The following SS18 variants were observed in gnomAD, a reference collection of about 807,000 sequenced individuals.
SS18 encodes protein SSXT.
In SS18, 28 loss-of-function variants were observed where a neutral mutation model predicts 72.5. The observed-to-expected ratio is 0.39, with a 90% CI of 0.29 to 0.53. SS18 has a LOEUF of 0.53. Ranked by LOEUF, SS18 falls within the 20% of genes least tolerant of loss-of-function variation. SS18 has a pLI of 0.76. For missense variants in SS18, 518 were observed against 535.3 expected, an observed-to-expected ratio of 0.97 and a Z score of 0.32; for synonymous variants, 172 against 164.2, an observed-to-expected ratio of 1.05 and a Z score of -0.37.
At chr18:26,088,098 G>T (rs1443229334) in intron 1 of SS18, among the ~76,000 whole-genome samples, 2 of 152,120 alleles carry the variant, frequency 1.3e-5, no homozygotes, top group Non-Finnish European at 2.9e-5. Context: ...CCTTTGGAAT[G>T]ATATCGTGTT....
At position 26,048,351 on chromosome 18, in the gene SS18, A is replaced by C. The variant is rs528276817; in HGVS notation, c.607+4273T>G. ...TTGTAAAAGACTAGACACATCTATC[A>C]AAAGTGAAAATGGCTTTGTTGTATT... On this transcript the variant is annotated intron_variant, in intron 5 of 10. Coordinates refer to ENST00000415083, the MANE Select transcript of SS18 (RefSeq NM_001007559.3). 1.1e-4 allele frequency among the ~76,000 whole-genome samples: 16 copies of C among 152,354 alleles called. No homozygotes were observed. The South Asian group carries it at 2.7e-3, about 26-fold the overall frequency.
At position 26,039,186 on chromosome 18, in the gene SS18, A is replaced by G. The variant is rs533941768; in HGVS notation, c.775+103T>C. 2.1e-4 allele frequency: 190 copies of G among 906,708 alleles called. 2 individuals are homozygous for G. In the Admixed American group the frequency reaches 5.5e-3, roughly 26 times the overall value. 56.2% of individuals were successfully genotyped at this position (906,708 alleles called of 1,614,324 possible). A position where few individuals can be genotyped will look rare whatever the true frequency, so the allele number is the denominator to read the frequency against. ...CTTTTGTCAAAAAAAAAAAAAAAAAAAAAAAAAAAGAAAACGCCCTGACTT... is the reference window on the plus strand; with the variant it reads ...CTTTTGTCAAAAAAAAAAAAAAAAAGAAAAAAAAAGAAAACGCCCTGACTT... On this transcript the variant is annotated intron_variant, in intron 6 of 10. Coordinates refer to ENST00000415083, the MANE Select transcript of SS18 (RefSeq NM_001007559.3).
At position 26,038,591 on chromosome 18, in the gene SS18, G is replaced by T; in HGVS notation, c.844C>A (p.Pro282Thr). The T allele has an allele frequency of 6.2e-7, 1 of 1,613,500 alleles. No individual in the cohort carries two copies. Among genetic ancestry groups the T allele is most frequent in the South Asian group, 1.1e-5 (1 of 91,060 alleles). The change falls in exon 7 of 11, where the codon CCT (proline) becomes ACT (threonine). Residue 282 changes from proline (P) to threonine (T), a missense_variant. Coordinates refer to ENST00000415083, the MANE Select transcript of SS18 (RefSeq NM_001007559.3). ...GDQYSHGGQG[P>T]PEGMNQQYYP... is the part of the protein sequence containing the mutation. ...TATTGCTGGTTCATGCCTTCTGGAGGACCTTGTCCACCATGACTGTATTGG... is the reference window on the plus strand; with the variant it reads ...TATTGCTGGTTCATGCCTTCTGGAGTACCTTGTCCACCATGACTGTATTGG...
At chr18:26,054,159 G>C (rs759817390) in intron 4 of SS18, among the ~76,000 whole-genome samples, 2 of 151,996 alleles carry the variant, frequency 1.3e-5, no homozygotes, top group African/African-American at 4.8e-5. Context: ...GTGTTGTTTA[G>C]GGAATAATGA....
At chr18:26,055,481 T>C (rs550588993) in intron 4 of SS18, among the ~76,000 whole-genome samples, 27 of 151,702 alleles carry the variant, frequency 1.8e-4, no homozygotes, top group African/African-American at 5.6e-4. Context: ...AAGAAAAAAA[T>C]AGTAATTTTT....
intron 6 of SS18, 81 bp downstream of exon 6, chr18:26,039,204 CCTGA>C (rs1035522285): frequency 1.3e-5 from 14 of 1,040,286 alleles, no homozygotes; most frequent in Admixed American, 1.3e-4. Context: ...AAGAAAACGC[CCTGA>C]CTTTGTCTAG....
chr18:26,064,406 G>A (rs941684212), intron 3 of SS18, among the ~76,000 whole-genome samples: 2 of 152,078 alleles, frequency 1.3e-5, no homozygotes, highest in African/African-American at 4.8e-5. Flanking sequence ...ATCAAATCCA[G>A]ACTTATTAAA....
At position 26,090,602 on chromosome 18, in the gene SS18, A is replaced by C; in HGVS notation, c.-33T>G. On this transcript the variant is annotated 5_prime_UTR_variant, in exon 1 of 11. Coordinates refer to ENST00000415083, the MANE Select transcript of SS18 (RefSeq NM_001007559.3). The stretch of plus-strand genomic sequence containing the variant: ...CCGTCACCACTATCGGCAAGTCCCG[A>C]GCGCTCCGGGTGAACGGCAAACTGG... The C allele has an allele frequency of 6.4e-7, 1 of 1,556,188 alleles. No individual in the cohort carries two copies. The highest frequency in any genetic ancestry group is 1.2e-5 in the South Asian group (1 of 84,390).
intron 3 of SS18, among the ~76,000 whole-genome samples, chr18:26,067,687 G>C (rs968184540): frequency 3.9e-5 from 6 of 152,162 alleles, no homozygotes; most frequent in African/African-American, 1.4e-4. Flanking sequence ...AGCATTTAAT[G>C]GGCGTGGTAA....
chr18:26,078,174 A>G lies in SS18; in HGVS notation c.147-14T>C, dbSNP rs780245117. The G allele has an allele frequency of 6.3e-7, 1 of 1,590,312 alleles. No individual in the cohort carries two copies. The highest frequency in any genetic ancestry group is 8.6e-7 in the Non-Finnish European group (1 of 1,162,734). On this transcript the variant is annotated splice_polypyrimidine_tract_variant and intron_variant, in intron 2 of 10. Coordinates refer to ENST00000415083, the MANE Select transcript of SS18 (RefSeq NM_001007559.3). ...ATCTGCTGATACCTATTAAAACAAA[A>G]CAAGTATCAGTATTAAAAAATAATT...
chr18:26,078,306 A>G (rs2054453708), intron 2 of SS18, 146 bp from the exon 3 acceptor site: 8 of 530,218 alleles, frequency 1.5e-5, no homozygotes, highest in Non-Finnish European at 2.6e-5. Flanking sequence ...CTACACTGCA[A>G]AAGTTCCAAA....
At chr18:26,029,244 G>C (rs1056393506) in intron 10 of SS18, among the ~76,000 whole-genome samples, 2 of 152,204 alleles carry the variant, frequency 1.3e-5, no homozygotes, top group Non-Finnish European at 2.9e-5. Context: ...GGTAGCATAG[G>C]AGGTGGGAGC....
At chr18:26,020,958 C>A (rs6508407) in intron 10 of SS18, among the ~76,000 whole-genome samples, 2 of 151,986 alleles carry the variant, frequency 1.3e-5, no homozygotes, top group Admixed American at 6.6e-5. Context: ...GATAATAATA[C>A]CTCAGTTTGT....
intron 3 of SS18, among the ~76,000 whole-genome samples, chr18:26,062,568 A>G (rs1191672451): frequency 6.6e-6 from 1 of 152,232 alleles, no homozygotes; most frequent in East Asian, 1.9e-4. Context: ...CATTAAATGT[A>G]AATGGACCCA....
At chr18:26,055,237 C>T (rs188387896) in intron 4 of SS18, among the ~76,000 whole-genome samples, 5 of 151,986 alleles carry the variant, frequency 3.3e-5, no homozygotes, top group African/African-American at 9.6e-5. Flanking sequence ...GAGGCTGAAG[C>T]GGGTGGATCA....
intron 2 of SS18, chr18:26,078,874 G>A (rs1300033133): frequency 6.6e-6 from 1 of 152,506 alleles, no homozygotes; most frequent in Non-Finnish European, 1.5e-5. Context: ...GCAACAGAGT[G>A]AGACTCCATC....
intron 2 of SS18, chr18:26,080,388 C>T: frequency 2.0e-6 from 2 of 985,392 alleles, no homozygotes; most frequent in Non-Finnish European, 2.4e-6. Context: ...GGACCACTGA[C>T]CAAACCATAC....
At chr18:26,090,758 G>C (rs1381114083), upstream of SS18, 3 of 624,498 alleles carry the variant, frequency 4.8e-6, no homozygotes, top group Non-Finnish European at 5.6e-6. Context: ...TCGCTTCTGC[G>C]CACTCTGGGG....
chr18:26,071,264 G>C (rs2054305645), intron 3 of SS18, among the ~76,000 whole-genome samples: 1 of 152,064 alleles, frequency 6.6e-6, no homozygotes, highest in African/African-American at 2.4e-5. Context: ...AAGATAATTA[G>C]AAAGAAATCT....
Sources: gnomAD v4.1 joint callset for allele counts (sites outside exome capture counted in the v4.1 genomes callset) on GRCh38, gnomAD v4.1.1 for gene constraint, MANE v1.5 for transcripts, NCBI Gene and HGNC (gene_info 2026-07-23, HGNC 2026-07-21) for gene names.